Variants in PLXNA2 observed in about 807,000 individuals in gnomAD.
The protein encoded by PLXNA2 is plexin A2.
PLXNA2 carries 91 observed loss-of-function variants against 193.5 expected under a neutral mutation model. The observed-to-expected ratio is 0.47, with a 90% CI of 0.40 to 0.56. The LOEUF (loss-of-function observed/expected upper bound fraction) is 0.56. Among genes scored for constraint, PLXNA2 ranks in the 20% least tolerant of loss-of-function variants. The pLI is 0.00. For synonymous variants in PLXNA2, 997 were observed against 1,027.3 expected, an observed-to-expected ratio of 0.97 and a Z score of 0.56; for missense variants, 1,995 against 2,503.2, an observed-to-expected ratio of 0.80 and a Z score of 4.33.
At position 208,031,730 on chromosome 1, in the gene PLXNA2, C is replaced by A; in HGVS notation, c.5085G>T (p.Leu1695Phe). ...GCACAGTGCTGAACAAGGTCTCAAA[C>A]AAGTCGTCCACAAACTTCTGCAGGG... ...KGTLQKFVDD[L>F]FETLFSTVHR... Residue 1695 changes from leucine (L) to phenylalanine (F), a missense_variant, in exon 29 of 32, where the codon TTG becomes TTT. By Grantham distance (22) the Leu-to-Phe change is conservative. Around this residue, in one of 3 missense-constraint regions of PLXNA2, gnomAD observed 1,291 missense variants for 1,673.6 expected, o/e 0.77. Coordinates refer to ENST00000367033, the MANE Select transcript of PLXNA2 (RefSeq NM_025179.4). 1.2e-6 allele frequency: 2 copies of A among 1,609,388 alleles called. No individual in the cohort carries two copies. Among genetic ancestry groups the A allele is most frequent in the East Asian group, 2.2e-5 (1 of 44,710 alleles).
intron 15 of PLXNA2, 71 bp downstream of exon 15, chr1:208,052,256 T>C (rs775647216): frequency 1.3e-6 from 2 of 1,500,512 alleles, no homozygotes; most frequent in African/African-American, 1.4e-5. Context: ...TGAATGAACA[T>C]GCACAGTAAC....
chr1:208,099,620 G>C (rs550248877), intron 5 of PLXNA2, among the ~76,000 whole-genome samples: 126 of 152,180 alleles, frequency 8.3e-4, no homozygotes, highest in African/African-American at 2.9e-3. Flanking sequence ...GCCTAAGCTG[G>C]AGTGCAGTGG....
chr1:208,032,897 T>G (rs11804763), intron 28 of PLXNA2, among the ~76,000 whole-genome samples: 17,583 of 152,228 alleles, frequency 0.12, 1,115 homozygotes, highest in Middle Eastern at 0.21. Flanking sequence ...GAGTTACTCC[T>G]CTGAAGTGAA....
chr1:208,181,922 C>T (rs540672790), intron 3 of PLXNA2, among the ~76,000 whole-genome samples: 18 of 152,274 alleles, frequency 1.2e-4, no homozygotes, highest in South Asian at 2.1e-4. Context: ...CCCCTGAGAC[C>T]GTGTCCCATT....
intron 2 of PLXNA2, among the ~76,000 whole-genome samples, chr1:208,214,394 C>T (rs529043558): frequency 6.6e-6 from 1 of 152,180 alleles, no homozygotes; most frequent in Non-Finnish European, 1.5e-5. Context: ...ACATAACTTG[C>T]CCAAAGTCAC....
chr1:208,181,216 G>A (rs1669830664), intron 3 of PLXNA2, among the ~76,000 whole-genome samples: 1 of 152,336 alleles, frequency 6.6e-6, no homozygotes, highest in Middle Eastern at 3.4e-3. Context: ...CCCGACCCAG[G>A]TAGGCAGACC....
intron 3 of PLXNA2, among the ~76,000 whole-genome samples, chr1:208,179,602 T>C (rs1327735604): frequency 2.0e-5 from 3 of 152,172 alleles, no homozygotes; most frequent in Non-Finnish European, 4.4e-5. Flanking sequence ...AGGCTCAACC[T>C]AGATGCTATC....
Position 208,084,359 on chromosome 1 carries a change from GC to G in PLXNA2, c.2298+20del. 2 of 1,611,736 alleles carry G rather than the reference GC, an allele frequency of 1.2e-6. No individual in the cohort carries two copies. The highest frequency in any genetic ancestry group is 1.7e-6 in the Non-Finnish European group (2 of 1,178,706). ...GAGAGGAAGCCCTGCTCCAGGCAGG[GC>G]CCAGCCTGCGTTTTCTTACCGAGCT... On this transcript the variant is annotated intron_variant, in intron 10 of 31. Coordinates refer to ENST00000367033, the MANE Select transcript of PLXNA2 (RefSeq NM_025179.4).
intron 17 of PLXNA2, 113 bp from the exon 18 acceptor site, chr1:208,046,230 T>C: frequency 7.5e-7 from 1 of 1,337,666 alleles, no homozygotes; most frequent in Non-Finnish European, 1.0e-6. Flanking sequence ...CTGGGTTTAC[T>C]TGCTTGTCTC....
intron 4 of PLXNA2, among the ~76,000 whole-genome samples, chr1:208,129,853 T>C (rs1323437018): frequency 6.6e-6 from 1 of 152,252 alleles, no homozygotes; most frequent in Non-Finnish European, 1.5e-5. Context: ...GGCTGTTTGA[T>C]GAGCTATTTA....
chr1:208,240,280 C>G (rs775365045), intron 1 of PLXNA2, among the ~76,000 whole-genome samples: 2 of 152,212 alleles, frequency 1.3e-5, no homozygotes, highest in Non-Finnish European at 2.9e-5. Flanking sequence ...CCCAGGAGAG[C>G]CTGAGGGCTA....
Position 208,098,973 on chromosome 1 carries a change from C to T in PLXNA2, c.1608-4G>A, listed in dbSNP as rs776235650. On this transcript the variant is annotated splice_polypyrimidine_tract_variant and splice_region_variant and intron_variant, in intron 5 of 31. Transcript: ENST00000367033. ...GCATTTGTCCCTGCGGGAGCACCTG[C>T]CATAAACACAGATTCACAAGAGGTC... 6.2e-7 allele frequency: 1 copy of T among 1,612,662 alleles called. No individual in the cohort carries two copies. The highest frequency in any genetic ancestry group is 1.3e-5 in the African/African-American group (1 of 75,026).
chr1:208,101,987 T>A (rs1571917561), intron 5 of PLXNA2, among the ~76,000 whole-genome samples: 1 of 152,342 alleles, frequency 6.6e-6, no homozygotes, highest in East Asian at 1.9e-4. Context: ...TACCCCCTTT[T>A]GCCATTCTGG....
intron 3 of PLXNA2, among the ~76,000 whole-genome samples, chr1:208,163,386 G>A (rs773261462): frequency 1.4e-4 from 21 of 152,236 alleles, no homozygotes; most frequent in Non-Finnish European, 2.6e-4. Flanking sequence ...TGGGCTGGGG[G>A]AGGGAGGTGG....
At chr1:208,219,371 T>G (rs546457218) in intron 1 of PLXNA2, among the ~76,000 whole-genome samples, 1 of 152,244 alleles carries the variant, frequency 6.6e-6, no homozygotes, top group South Asian at 2.1e-4. Context: ...TCCTGACTTA[T>G]GGAGAGGGAC....
chr1:208,058,854 G>A (rs1286777373), intron 13 of PLXNA2, among the ~76,000 whole-genome samples: 1 of 152,174 alleles, frequency 6.6e-6, no homozygotes, highest in Non-Finnish European at 1.5e-5. Flanking sequence ...AGCACATTAG[G>A]CTAATGAAGG....
chr1:208,024,530 T>TC lies in PLXNA2; in HGVS notation c.*2712dup, dbSNP rs1243897252. On this transcript the variant is annotated 3_prime_UTR_variant, in exon 32 of 32. Transcript: ENST00000367033. ...GGCTACTTCCTTTGTCAGCCCAAGT[T>TC]CCCCAAGTCTCTCATGGAATCCTGA... The TC allele has an allele frequency of 3.9e-5, 6 of 152,118 alleles. No individual in the cohort carries two copies. Among genetic ancestry groups the TC allele is most frequent in the Admixed American group, 6.5e-5 (1 of 15,274 alleles). 9.4% of individuals were successfully genotyped at this position (152,118 alleles called of 1,614,324 possible). A position where few individuals can be genotyped will look rare whatever the true frequency, so the allele number is the denominator to read the frequency against.
At chr1:208,220,033 A>G (rs1246047409) in intron 1 of PLXNA2, among the ~76,000 whole-genome samples, 1 of 152,242 alleles carries the variant, frequency 6.6e-6, no homozygotes, top group African/African-American at 2.4e-5. Context: ...GAATTGCAAG[A>G]GGCCATTCTC....
intron 3 of PLXNA2, among the ~76,000 whole-genome samples, chr1:208,181,845 T>C (rs1669852083): frequency 6.6e-6 from 1 of 152,202 alleles, no homozygotes; most frequent in South Asian, 2.1e-4. Flanking sequence ...AAATAGCTTT[T>C]GGGAGGCAAA....
Sources: allele counts gnomAD v4.1 joint callset (sites outside exome capture counted in the v4.1 genomes callset), GRCh38; gene constraint gnomAD v4.1.1; regional missense constraint gnomAD v4.1.1; transcripts MANE v1.5; gene names NCBI Gene and HGNC (gene_info 2026-07-23, HGNC 2026-07-21).